TGM4: variants seen among roughly 807,000 people sequenced by gnomAD.
TGM4 encodes the protein protein-glutamine gamma-glutamyltransferase 4.
A neutral mutation model predicts 76.3 loss-of-function variants in TGM4; 61 were observed. That is an observed-to-expected ratio of 0.80 (90% CI 0.65 to 0.99). TGM4 has a LOEUF of 0.99. TGM4 is among the 50% of genes least tolerant of loss of function. The pLI is 0.00. For missense variants in TGM4, 794 were observed against 843.2 expected, an observed-to-expected ratio of 0.94 and a Z score of 0.72; for synonymous variants, 337 against 329.8, an observed-to-expected ratio of 1.02 and a Z score of -0.24.
chr3:44,910,857 C>A, intron 11 of TGM4, 101 bp from the exon 12 acceptor site: 2 of 1,328,930 alleles, frequency 1.5e-6, no homozygotes, highest in South Asian at 1.4e-5. Flanking sequence ...TTATCCAGTT[C>A]AATTCACACA....
chr3:44,912,706 G>A (rs1360819099), intron 13 of TGM4, among the ~76,000 whole-genome samples: 1 of 152,056 alleles, frequency 6.6e-6, no homozygotes, highest in African/African-American at 2.4e-5. Flanking sequence ...ATTGTGTCTT[G>A]CCATCTAGGA....
intron 13 of TGM4, among the ~76,000 whole-genome samples, chr3:44,912,968 G>A (rs1231832689): frequency 6.6e-6 from 1 of 152,172 alleles, no homozygotes; most frequent in Non-Finnish European, 1.5e-5. Flanking sequence ...TTTCTGAGAG[G>A]TTTCTGATGG....
At position 44,911,401 on chromosome 3, in the gene TGM4, C is replaced by T. The variant is rs770177075; in HGVS notation, c.1908C>T (p.Asp636=). The change falls in exon 13 of 14, where the codon GAC becomes GAT. Residue 636 remains aspartate, a synonymous_variant. Coordinates refer to ENST00000296125, the MANE Select transcript of TGM4 (RefSeq NM_003241.4). The part of the protein sequence containing the change: ...SLGISSLQTS[D]HGTVQPGETI... ...GCATCTCCTCACTACAGACCTCTGA[C>T]CATGGGTGAGTCTGCCTGAGGTATT... The T allele has an allele frequency of 6.2e-7, 1 of 1,613,986 alleles. No homozygotes were observed. The highest frequency in any genetic ancestry group is 1.3e-5 in the African/African-American group (1 of 74,946).
chr3:44,913,427 G>C (rs1176792420), intron 13 of TGM4, among the ~76,000 whole-genome samples, 157 bp from the exon 14 acceptor site: 1 of 152,232 alleles, frequency 6.6e-6, no homozygotes, highest in Non-Finnish European at 1.5e-5. Context: ...GCAGCACCCA[G>C]GGTGCAGGTA....
At chr3:44,894,823 C>T (rs999265431) in intron 5 of TGM4, among the ~76,000 whole-genome samples, 1 of 152,036 alleles carries the variant, frequency 6.6e-6, no homozygotes, top group Non-Finnish European at 1.5e-5. Flanking sequence ...CAAGGTGCGC[C>T]GAGTGCCCTC....
intron 8 of TGM4, chr3:44,903,546 A>C: frequency 3.7e-6 from 1 of 268,762 alleles, no homozygotes; most frequent in Non-Finnish European, 7.2e-6. Context: ...AACACTGCAG[A>C]TGTCAAGACA....
chr3:44,906,955 T>C lies in TGM4; in HGVS notation c.1082T>C (p.Phe361Ser). The C allele has an allele frequency of 1.2e-6, 2 of 1,613,816 alleles. No homozygotes were observed. The highest frequency in any genetic ancestry group is 1.7e-6 in the Non-Finnish European group (2 of 1,179,846). Residue 361 changes from phenylalanine (F) to serine (S), a missense_variant, in exon 10 of 14, where the codon TTC becomes TCC. Coordinates refer to ENST00000296125, the MANE Select transcript of TGM4 (RefSeq NM_003241.4). ...ACCCCTGGCTTCCCCTCAGGTGTCTTCTGCTGTGGGCCATCACCACTGACC... is the reference window on the plus strand; with the variant it reads ...ACCCCTGGCTTCCCCTCAGGTGTCTCCTGCTGTGGGCCATCACCACTGACC... ...ATPQERSQGV[F>S]CCGPSPLTAI... is the part of the protein sequence containing the mutation.
At chr3:44,894,032 T>C (rs920140633) in intron 5 of TGM4, among the ~76,000 whole-genome samples, 1 of 47,294 alleles carries the variant, frequency 2.1e-5, no homozygotes, top group Non-Finnish European at 3.8e-5. Context: ...CCCACCCCCC[T>C]TGACTCTCTC....
intron 1 of TGM4, 128 bp downstream of exon 1, chr3:44,874,825 C>A: frequency 9.2e-7 from 1 of 1,088,612 alleles, no homozygotes; most frequent in South Asian, 1.5e-5. Flanking sequence ...CCTGGTGCTG[C>A]TTGCTTTCTG....
chr3:44,902,154 A>C (rs1699864148), intron 8 of TGM4, among the ~76,000 whole-genome samples: 1 of 152,180 alleles, frequency 6.6e-6, no homozygotes, highest in South Asian at 2.1e-4. Context: ...AGGCCCTCCC[A>C]ACCCAGAGAT....
chr3:44,875,264 G>A (rs181890697), intron 1 of TGM4, among the ~76,000 whole-genome samples: 2 of 152,192 alleles, frequency 1.3e-5, no homozygotes, highest in East Asian at 1.9e-4. Context: ...GCATTCCGTT[G>A]TTGTGCCTCT....
chr3:44,894,737 C>T (rs1167985939), intron 5 of TGM4, among the ~76,000 whole-genome samples: 2 of 151,896 alleles, frequency 1.3e-5, no homozygotes, highest in African/African-American at 2.4e-5. Context: ...TGGGTCTGGA[C>T]GCCTAGGACA....
At chr3:44,900,407 A>T (rs1575722683) in intron 6 of TGM4, among the ~76,000 whole-genome samples, 1 of 152,190 alleles carries the variant, frequency 6.6e-6, no homozygotes, top group Admixed American at 6.5e-5. Context: ...ATGAATGAAG[A>T]GGCTTGTCCA....
chr3:44,897,295 C>T (rs569128317), intron 6 of TGM4, among the ~76,000 whole-genome samples: 3 of 152,326 alleles, frequency 2.0e-5, no homozygotes, highest in Non-Finnish European at 2.9e-5. Flanking sequence ...TGGGCCACCG[C>T]GCCCGGCTTT....
intron 3 of TGM4, chr3:44,889,106 G>A (rs981366045): frequency 7.1e-6 from 1 of 140,642 alleles, no homozygotes; most frequent in Non-Finnish European, 1.5e-5. Flanking sequence ...ATCAGCCAAG[G>A]TCATACAGCC....
intron 10 of TGM4, among the ~76,000 whole-genome samples, chr3:44,909,477 T>C (rs1699970785): frequency 6.6e-6 from 1 of 152,240 alleles, no homozygotes; most frequent in Non-Finnish European, 1.5e-5. Flanking sequence ...GGGAAAAGGC[T>C]GTTGGTAATG....
Position 44,885,398 on chromosome 3 carries a change from G to C in TGM4, c.93G>C (p.Thr31=). 6.2e-7 allele frequency: 1 copy of C among 1,613,992 alleles called. No individual in the cohort carries two copies. Among genetic ancestry groups the C allele is most frequent in the South Asian group, 1.1e-5 (1 of 91,054 alleles). Residue 31 remains threonine, a synonymous_variant, in exon 2 of 14, where the codon ACG becomes ACC. Transcript: ENST00000296125. ...CTCACCACACATGGGAGTTCCAAAC[G>C]AGCAGTCCTGTGTTCCGGCGAGGAC... ...AVSHHTWEFQ[T]SSPVFRRGQV...
At chr3:44,887,924 T>A in intron 3 of TGM4, 129 bp downstream of exon 3, 1 of 765,402 alleles carries the variant, frequency 1.3e-6, no homozygotes, top group Non-Finnish European at 2.2e-6. Context: ...CAGCACAGCA[T>A]GATAGAGGGG....
rs534881256 is a variant in TGM4 at position 44,914,676 on chromosome 3, T to G, written c.*951T>G. ...TGTGCTGGCGGTTTATGCAGTCACT[T>G]GGGGAGCCATGGAATCCTTTGATCT... On this transcript the variant is annotated 3_prime_UTR_variant, in exon 14 of 14. Transcript: ENST00000296125. The G allele has an allele frequency of 2.6e-5, 4 of 152,324 alleles. No individual in the cohort carries two copies. The South Asian group carries it at 8.3e-4, about 32-fold the overall frequency. The allele number at this position is 152,324 out of a possible 1,614,324, so 9.4% of individuals were successfully genotyped here.
Sources: allele counts gnomAD v4.1 joint callset (sites outside exome capture counted in the v4.1 genomes callset), GRCh38; gene constraint gnomAD v4.1.1; transcripts MANE v1.5; gene names NCBI Gene and HGNC (gene_info 2026-07-23, HGNC 2026-07-21).